ADAMTS3: variants seen among roughly 807,000 people sequenced by gnomAD.
ADAMTS3 encodes the protein A disintegrin and metalloproteinase with thrombospondin motifs 3.
Under a neutral mutation model 129.0 loss-of-function variants are expected in ADAMTS3, and 73 were observed. That is an observed-to-expected ratio of 0.57 (90% CI 0.47 to 0.69). The LOEUF is 0.69. Ranked by LOEUF, ADAMTS3 falls within the 30% of genes least tolerant of loss-of-function variation. The pLI, the probability that ADAMTS3 is intolerant of heterozygous loss-of-function variation, is 0.00. For missense variants in ADAMTS3, 1,457 were observed against 1,514.5 expected, an observed-to-expected ratio of 0.96 and a Z score of 0.63; for synonymous variants, 477 against 510.8, an observed-to-expected ratio of 0.93 and a Z score of 0.89.
At position 72,378,862 on chromosome 4, in the gene ADAMTS3, G is replaced by C. The variant is rs1721204258; in HGVS notation, c.661+35953C>G. Among the ~76,000 whole-genome samples, 4 of 152,250 alleles carry C rather than the reference G, an allele frequency of 2.6e-5. No individual in the cohort carries two copies. In the South Asian group the frequency reaches 8.3e-4, roughly 32 times the overall value. On this transcript the variant is annotated intron_variant, in intron 4 of 21. Transcript: ENST00000286657. ...GAAATCAAGACGTCAGCCATGCTGAGAGGGGTTTTCTCCTAAACTTTTTCT... is the reference window on the plus strand; with the variant it reads ...GAAATCAAGACGTCAGCCATGCTGACAGGGGTTTTCTCCTAAACTTTTTCT...
intron 3 of ADAMTS3, among the ~76,000 whole-genome samples, chr4:72,501,779 T>C (rs986124938): frequency 7.3e-5 from 8 of 110,316 alleles, no homozygotes; most frequent in Non-Finnish European, 1.5e-4. Flanking sequence ...TTGAAGTATA[T>C]TTCTTTAATG....
chr4:72,308,759 G>T (rs957819479), intron 15 of ADAMTS3, among the ~76,000 whole-genome samples: 8 of 147,520 alleles, frequency 5.4e-5, no homozygotes, highest in African/African-American at 1.6e-4. Flanking sequence ...ACAGCTTTTT[G>T]TTCCACCTTT....
chr4:72,485,374 A>T (rs568026830), intron 3 of ADAMTS3, among the ~76,000 whole-genome samples: 52 of 152,320 alleles, frequency 3.4e-4, no homozygotes, highest in African/African-American at 1.1e-3. Flanking sequence ...TAATGATTTT[A>T]GAAGTGATAT....
At chr4:72,322,858 C>T (rs1719593716) in intron 6 of ADAMTS3, among the ~76,000 whole-genome samples, 156 bp downstream of exon 6, 1 of 152,018 alleles carries the variant, frequency 6.6e-6, no homozygotes, top group Admixed American at 6.6e-5. Flanking sequence ...TTGGAAGTCT[C>T]CACTCATGTG....
intron 3 of ADAMTS3, among the ~76,000 whole-genome samples, chr4:72,417,932 CAA>C (rs71215429): frequency 8.3e-6 from 1 of 120,300 alleles, no homozygotes; most frequent in African/African-American, 3.1e-5. Context: ...GACTCCATCT[CAA>C]AAAAAAAAAA....
intron 2 of ADAMTS3, among the ~76,000 whole-genome samples, chr4:72,563,595 C>T (rs936966054): frequency 5.3e-4 from 80 of 152,180 alleles, no homozygotes; most frequent in Middle Eastern, 3.4e-3. Flanking sequence ...GAAAAGCATA[C>T]AAAAAATGAT....
At chr4:72,399,485 A>C (rs1721818758) in intron 4 of ADAMTS3, among the ~76,000 whole-genome samples, 1 of 152,154 alleles carries the variant, frequency 6.6e-6, no homozygotes, top group Non-Finnish European at 1.5e-5. Flanking sequence ...TCTGAGTATC[A>C]GAGTCACTCA....
intron 3 of ADAMTS3, among the ~76,000 whole-genome samples, chr4:72,541,033 C>A (rs1721309132): frequency 6.6e-6 from 1 of 152,162 alleles, no homozygotes; most frequent in Non-Finnish European, 1.5e-5. Context: ...AATGATATAT[C>A]CACCAACAGC....
At chr4:72,325,317 C>T (rs953040832) in intron 5 of ADAMTS3, among the ~76,000 whole-genome samples, 2 of 152,088 alleles carry the variant, frequency 1.3e-5, no homozygotes, top group African/African-American at 2.4e-5. Flanking sequence ...TTATCTTATG[C>T]CACACTTCAT....
In ADAMTS3 at chr4:72,538,573, A is replaced by AT. The variant is rs562756954; in HGVS notation, c.504+9904dup. Among the ~76,000 whole-genome samples, 98 of 152,234 alleles carry AT rather than the reference A, an allele frequency of 6.4e-4. 1 individual carries two copies. The highest frequency in any genetic ancestry group is 3.4e-3 in the Middle Eastern group (1 of 294). Reference sequence around the variant, plus strand: ...GAGGGAGAAGTTAAGACATTTCTAGATAAATACAGGCTGAAGGAGTTCATT... The same window carrying AT: ...GAGGGAGAAGTTAAGACATTTCTAGATTAAATACAGGCTGAAGGAGTTCATT... On this transcript the variant is annotated intron_variant, in intron 3 of 21. Transcript: ENST00000286657.
At chr4:72,482,372 C>T (rs973168067) in intron 3 of ADAMTS3, among the ~76,000 whole-genome samples, 1 of 151,762 alleles carries the variant, frequency 6.6e-6, no homozygotes, top group Non-Finnish European at 1.5e-5. Flanking sequence ...CTGAGTGAAT[C>T]TCCAGAAAAT....
intron 3 of ADAMTS3, among the ~76,000 whole-genome samples, chr4:72,469,030 T>C (rs1049183268): frequency 6.6e-6 from 1 of 152,100 alleles, no homozygotes; most frequent in Non-Finnish European, 1.5e-5. Flanking sequence ...TGATTATAAA[T>C]CATACTACAA....
intron 10 of ADAMTS3, among the ~76,000 whole-genome samples, chr4:72,316,304 A>T (rs752864106): frequency 1.3e-5 from 2 of 152,178 alleles, no homozygotes; most frequent in Non-Finnish European, 2.9e-5. Flanking sequence ...GAATATTGTA[A>T]ATATGAAAAT....
At chr4:72,491,594 A>C (rs1719746133) in intron 3 of ADAMTS3, among the ~76,000 whole-genome samples, 1 of 151,670 alleles carries the variant, frequency 6.6e-6, no homozygotes, top group African/African-American at 2.4e-5. Context: ...GTGTATGTAG[A>C]CCCATCCTTG....
chr4:72,365,313 G>A (rs1224971575), intron 4 of ADAMTS3, among the ~76,000 whole-genome samples: 2 of 152,062 alleles, frequency 1.3e-5, no homozygotes, highest in East Asian at 1.9e-4. Flanking sequence ...TTGTGTTTCT[G>A]GTAAATATTT....
At chr4:72,435,988 A>T (rs1474515225) in intron 3 of ADAMTS3, among the ~76,000 whole-genome samples, 4 of 151,986 alleles carry the variant, frequency 2.6e-5, no homozygotes, top group African/African-American at 9.7e-5. Flanking sequence ...GCAACAAAAG[A>T]CAAAATTGAC....
intron 2 of ADAMTS3, among the ~76,000 whole-genome samples, chr4:72,557,354 G>A (rs923050433): frequency 2.0e-5 from 3 of 151,688 alleles, no homozygotes; most frequent in African/African-American, 7.3e-5. Context: ...ACACTTAAGG[G>A]GAATGGTACA....
rs562217785 is a variant in ADAMTS3 at position 72,523,389 on chromosome 4, C to T, written c.504+25089G>A. The stretch of plus-strand genomic sequence containing the variant: ...TCAAAACTCTGAGGATACTGCTATC[C>T]TATATATTTGATGGGCATTCTATTT... On this transcript the variant is annotated intron_variant, in intron 3 of 21. Transcript: ENST00000286657. Among the ~76,000 whole-genome samples, 10 of 152,094 alleles carry T rather than the reference C, an allele frequency of 6.6e-5. No individual in the cohort carries two copies. In the East Asian group the frequency reaches 1.9e-3, roughly 29 times the overall value.
At chr4:72,377,977 C>T (rs1436450327) in intron 4 of ADAMTS3, among the ~76,000 whole-genome samples, 2 of 152,106 alleles carry the variant, frequency 1.3e-5, no homozygotes, top group Admixed American at 1.3e-4. Context: ...TTTCTGCATA[C>T]TCGGAGTAAT....
Sources: allele counts gnomAD v4.1 joint callset (sites outside exome capture counted in the v4.1 genomes callset), GRCh38; gene constraint gnomAD v4.1.1; transcripts MANE v1.5; gene names NCBI Gene and HGNC (gene_info 2026-07-23, HGNC 2026-07-21).